AUTS2: variants seen among roughly 807,000 people sequenced by gnomAD.
AUTS2 encodes the protein activator of transcription and developmental regulator AUTS2.
A neutral mutation model predicts 112.4 loss-of-function variants in AUTS2; 17 were observed. The ratio of observed to expected loss-of-function variants is 0.15; its 90% CI spans 0.10 to 0.23. The LOEUF (loss-of-function observed/expected upper bound fraction) is 0.23, where lower values mean the gene tolerates loss of function less well. Among genes scored for constraint, AUTS2 ranks in the 10% least tolerant of loss-of-function variants. The pLI, the probability that AUTS2 is intolerant of heterozygous loss-of-function variation, is 1.00. For synonymous variants in AUTS2, 751 were observed against 702.7 expected, an observed-to-expected ratio of 1.07 and a Z score of -1.09; for missense variants, 1,510 against 1,701.6, an observed-to-expected ratio of 0.89 and a Z score of 1.98.
At position 70,261,383 on chromosome 7, in the gene AUTS2, G is replaced by GT. The variant is rs748806604; in HGVS notation, c.660+126815dup. Among the ~76,000 whole-genome samples, 427 of 152,296 alleles carry GT rather than the reference G, an allele frequency of 2.8e-3. 6 individuals carry two copies. The Middle Eastern group carries it at 0.034, about 12-fold the overall frequency. On this transcript the variant is annotated intron_variant, in intron 4 of 18. Coordinates refer to ENST00000342771, the MANE Select transcript of AUTS2 (RefSeq NM_015570.4). The stretch of plus-strand genomic sequence containing the variant: ...GAACATTGTGGGTGATGGAAATGTT[G>GT]TTTCTTGATTGTGGTGGCAGTTATA...
intron 1 of AUTS2, among the ~76,000 whole-genome samples, chr7:69,823,992 T>A (rs1341277104): frequency 6.6e-6 from 1 of 152,200 alleles, no homozygotes; most frequent in Non-Finnish European, 1.5e-5. Context: ...CCTCAGTTTT[T>A]TCATCTATAA....
chr7:69,857,647 G>A (rs1038649479), intron 1 of AUTS2, among the ~76,000 whole-genome samples: 36 of 152,076 alleles, frequency 2.4e-4, no homozygotes, highest in Non-Finnish European at 4.0e-4. Flanking sequence ...CTAAGTGTAC[G>A]TTGTTTCTCA....
chr7:69,811,019 T>C (rs1790522308), intron 1 of AUTS2, among the ~76,000 whole-genome samples: 1 of 152,226 alleles, frequency 6.6e-6, no homozygotes. Flanking sequence ...AGATCATGAA[T>C]GCTGCCAGTG....
intron 1 of AUTS2, among the ~76,000 whole-genome samples, chr7:69,894,279 A>C (rs2052125): frequency 3.0e-5 from 1 of 33,462 alleles, no homozygotes; most frequent in Non-Finnish European, 6.7e-5. Context: ...TTTTTTTTTT[A>C]ACAGATTTCT....
chr7:69,744,626 A>C (rs1424435046), intron 1 of AUTS2, among the ~76,000 whole-genome samples: 1 of 151,176 alleles, frequency 6.6e-6, no homozygotes, highest in Non-Finnish European at 1.5e-5. Context: ...TGAGCTCAGG[A>C]CTTGGATACC....
chr7:70,162,335 A>C (rs1049333140), intron 4 of AUTS2, among the ~76,000 whole-genome samples: 2 of 147,900 alleles, frequency 1.4e-5, no homozygotes, highest in Non-Finnish European at 3.0e-5. Context: ...AGTCCCAGCT[A>C]CTTGGGAGGC....
chr7:70,170,303 G>C (rs999670033), intron 4 of AUTS2, among the ~76,000 whole-genome samples: 1 of 151,396 alleles, frequency 6.6e-6, no homozygotes, highest in Non-Finnish European at 1.5e-5. Flanking sequence ...GGGTCTACAG[G>C]CATATACCAC....
At chr7:70,722,882 A>G (rs1276556457) in intron 6 of AUTS2, among the ~76,000 whole-genome samples, 2 of 152,078 alleles carry the variant, frequency 1.3e-5, no homozygotes, top group Non-Finnish European at 2.9e-5. Context: ...ATATTGTCTT[A>G]TTTTTACTTT....
intron 4 of AUTS2, among the ~76,000 whole-genome samples, chr7:70,250,158 G>A (rs1378747065): frequency 1.3e-5 from 2 of 152,050 alleles, no homozygotes; most frequent in Admixed American, 6.6e-5. Flanking sequence ...TCTTTATGAA[G>A]CCATTGTTTT....
chr7:70,357,422 G>A (rs914573588), intron 4 of AUTS2, among the ~76,000 whole-genome samples: 1 of 152,132 alleles, frequency 6.6e-6, no homozygotes, highest in Non-Finnish European at 1.5e-5. Flanking sequence ...ATCTTTGTAC[G>A]TTTTCTGGGT....
chr7:70,095,075 C>T lies in AUTS2; in HGVS notation c.523-23057C>T, dbSNP rs770367694. 3.9e-5 allele frequency among the ~76,000 whole-genome samples: 6 copies of T among 152,256 alleles called. No homozygotes were observed. The East Asian group carries it at 5.8e-4, about 15-fold the overall frequency. On this transcript the variant is annotated intron_variant, in intron 2 of 18. Transcript: ENST00000342771. ...AAGAAAGGAAAAGATTAACCTGAAA[C>T]GTGAACTGAAAAACTCCTGAATTCT...
intron 5 of AUTS2, among the ~76,000 whole-genome samples, chr7:70,644,010 CT>C (rs1230431543): frequency 1.3e-5 from 2 of 152,136 alleles, no homozygotes; most frequent in Non-Finnish European, 2.9e-5. Flanking sequence ...TGAGAATTTG[CT>C]TTCCTGACCA....
chr7:70,019,378 A>G (rs926605053), intron 2 of AUTS2, among the ~76,000 whole-genome samples: 1 of 152,228 alleles, frequency 6.6e-6, no homozygotes, highest in Non-Finnish European at 1.5e-5. Context: ...AAGTTTACCT[A>G]TGTAAGAGAC....
intron 1 of AUTS2, among the ~76,000 whole-genome samples, chr7:69,859,302 A>T (rs973264527): frequency 6.6e-6 from 1 of 152,250 alleles, no homozygotes; most frequent in East Asian, 1.9e-4. Flanking sequence ...TAGATGGTAT[A>T]TGTAAGAGCT....
At chr7:70,414,470 T>G (rs1156678524) in intron 4 of AUTS2, among the ~76,000 whole-genome samples, 3 of 152,134 alleles carry the variant, frequency 2.0e-5, no homozygotes, top group Non-Finnish European at 4.4e-5. Context: ...TCTGTGTCGC[T>G]TAGAACTGGG....
intron 4 of AUTS2, among the ~76,000 whole-genome samples, chr7:70,365,178 A>G (rs1314017823): frequency 6.6e-6 from 1 of 152,254 alleles, no homozygotes; most frequent in Admixed American, 6.5e-5. Flanking sequence ...CTCCCCTAGT[A>G]TCTTTACTAT....
chr7:69,901,062 A>C (rs1397669009), intron 2 of AUTS2, among the ~76,000 whole-genome samples: 1 of 152,146 alleles, frequency 6.6e-6, no homozygotes, highest in African/African-American at 2.4e-5. Flanking sequence ...TTAGACCCAG[A>C]TATCTCTAGT....
At chr7:69,785,698 G>A (rs1789340401) in intron 1 of AUTS2, among the ~76,000 whole-genome samples, 1 of 152,180 alleles carries the variant, frequency 6.6e-6, no homozygotes, top group South Asian at 2.1e-4. Flanking sequence ...TTTGCTGTCA[G>A]TTTCTATGAA....
intron 5 of AUTS2, among the ~76,000 whole-genome samples, chr7:70,604,063 G>A (rs1803608503): frequency 6.6e-6 from 1 of 152,204 alleles, no homozygotes; most frequent in African/African-American, 2.4e-5. Flanking sequence ...CCCGGTGTAA[G>A]GTGTTTTGTG....
Sources: allele counts gnomAD v4.1 joint callset (sites outside exome capture counted in the v4.1 genomes callset), GRCh38; gene constraint gnomAD v4.1.1; transcripts MANE v1.5; gene names NCBI Gene and HGNC (gene_info 2026-07-23, HGNC 2026-07-21).